CHD6: variants seen among roughly 807,000 people sequenced by gnomAD.
CHD6 encodes the protein chromodomain helicase DNA binding protein 6.
A neutral mutation model predicts 276.9 loss-of-function variants in CHD6; 50 were observed. The observed-to-expected ratio is 0.18, with a 90% CI of 0.14 to 0.23. The LOEUF (loss-of-function observed/expected upper bound fraction) is 0.23. CHD6 is among the 10% of genes least tolerant of loss of function. The pLI is 1.00. For missense variants in CHD6, 2,564 were observed against 3,365.8 expected, an observed-to-expected ratio of 0.76 and a Z score of 5.89; for synonymous variants, 1,173 against 1,229.3, an observed-to-expected ratio of 0.95 and a Z score of 0.96.
intron 1 of CHD6, among the ~76,000 whole-genome samples, chr20:41,559,901 A>ACT (rs73623237): frequency 6.6e-6 from 1 of 150,712 alleles, no homozygotes; most frequent in African/African-American, 2.4e-5. Context: ...ACACACACAC[A>ACT]CTCTCTCTAC....
intron 1 of CHD6, among the ~76,000 whole-genome samples, chr20:41,559,450 T>C (rs2045278178): frequency 6.6e-6 from 1 of 152,162 alleles, no homozygotes; most frequent in Non-Finnish European, 1.5e-5. Flanking sequence ...TGACAATCAC[T>C]CCCTAGTTAC....
chr20:41,531,917 C>A (rs923037829), intron 3 of CHD6, among the ~76,000 whole-genome samples: 3 of 152,154 alleles, frequency 2.0e-5, no homozygotes, highest in African/African-American at 7.2e-5. Flanking sequence ...CCACATCAGT[C>A]TGTGTTTTTT....
chr20:41,582,653 G>C (rs1019332927), intron 1 of CHD6, among the ~76,000 whole-genome samples: 1 of 152,070 alleles, frequency 6.6e-6, no homozygotes, highest in Admixed American at 6.5e-5. Context: ...CCAAACAAGA[G>C]AGCCAAACTA....
chr20:41,572,416 CG>C, intron 1 of CHD6, among the ~76,000 whole-genome samples: 1 of 152,266 alleles, frequency 6.6e-6, no homozygotes, highest in African/African-American at 2.4e-5. Context: ...CCTGTAGACA[CG>C]GACAGCAGGG....
chr20:41,420,521 G>A lies in CHD6; in HGVS notation c.6114C>T (p.Asn2038=), dbSNP rs2047151674. ...ENKDDYDRDG[N]CHSQDYPGKY... Reference sequence around the variant, plus strand: ...TACATACTGTACCTTGACTATGGCAGTTTCCGTCTCTATCATAATCATCTT... The same window carrying A: ...TACATACTGTACCTTGACTATGGCAATTTCCGTCTCTATCATAATCATCTT... The change falls in exon 31 of 37, where the codon AAC becomes AAT. Residue 2038 remains asparagine, a synonymous_variant. Coordinates refer to ENST00000373233, the MANE Select transcript of CHD6 (RefSeq NM_032221.5). 3 of 1,610,378 alleles carry A rather than the reference G, an allele frequency of 1.9e-6. No individual in the cohort carries two copies. Among genetic ancestry groups the A allele is most frequent in the African/African-American group, 2.7e-5 (2 of 74,768 alleles).
intron 3 of CHD6, among the ~76,000 whole-genome samples, chr20:41,517,909 A>T (rs920395532): frequency 3.9e-5 from 6 of 152,252 alleles, no homozygotes; most frequent in Non-Finnish European, 7.3e-5. Flanking sequence ...CTAAAATCCC[A>T]GTCTCCCTTT....
At chr20:41,575,269 C>T (rs1453767159) in intron 1 of CHD6, among the ~76,000 whole-genome samples, 1 of 152,098 alleles carries the variant, frequency 6.6e-6, no homozygotes, top group Non-Finnish European at 1.5e-5. Flanking sequence ...TCATTCTTTC[C>T]TTGCTTTGTT....
chr20:41,508,284 A>C (rs1301911281), intron 5 of CHD6, among the ~76,000 whole-genome samples: 1 of 152,200 alleles, frequency 6.6e-6, no homozygotes, highest in African/African-American at 2.4e-5. Context: ...CAAAATGAGG[A>C]GTAGTAATCA....
At chr20:41,565,278 T>A (rs934093526) in intron 1 of CHD6, among the ~76,000 whole-genome samples, 1 of 152,034 alleles carries the variant, frequency 6.6e-6, no homozygotes, top group Non-Finnish European at 1.5e-5. Context: ...GTATTTTTAA[T>A]AGAGACGGGT....
At chr20:41,505,635 A>C (rs2043958869) in intron 5 of CHD6, among the ~76,000 whole-genome samples, 1 of 152,034 alleles carries the variant, frequency 6.6e-6, no homozygotes, top group Non-Finnish European at 1.5e-5. Flanking sequence ...AGCTTTTTGT[A>C]ATTTATATAT....
intron 1 of CHD6, among the ~76,000 whole-genome samples, chr20:41,565,392 C>G (rs977606412): frequency 1.3e-5 from 2 of 152,196 alleles, no homozygotes; most frequent in Non-Finnish European, 2.9e-5. Flanking sequence ...CCGCGCCCAG[C>G]TGGATTCTTT....
At chr20:41,576,754 C>A (rs1052050920) in intron 1 of CHD6, among the ~76,000 whole-genome samples, 1 of 152,186 alleles carries the variant, frequency 6.6e-6, no homozygotes, top group African/African-American at 2.4e-5. Flanking sequence ...GACCTGAGGA[C>A]GCTCCCTCAT....
At chr20:41,551,136 A>G (rs2045139447) in intron 2 of CHD6, among the ~76,000 whole-genome samples, 169 bp downstream of exon 2, 1 of 152,216 alleles carries the variant, frequency 6.6e-6, no homozygotes. Context: ...GCAACAAGAA[A>G]AATCCATATT....
chr20:41,522,245 C>T (rs1339285222), intron 3 of CHD6, among the ~76,000 whole-genome samples: 2 of 151,974 alleles, frequency 1.3e-5, no homozygotes, highest in African/African-American at 4.8e-5. Flanking sequence ...ACTTGGGAGG[C>T]TGAGATGGGA....
At position 41,556,307 on chromosome 20, in the gene CHD6, C is replaced by A. The variant is rs547361231; in HGVS notation, c.-23-4947G>T. On this transcript the variant is annotated intron_variant, in intron 1 of 36. Coordinates refer to ENST00000373233, the MANE Select transcript of CHD6 (RefSeq NM_032221.5). ...GAGGGAGAGGGAGACCGTGGGGAGA[C>A]GGGAGAGGGAGAGGGCACCTTTTTT... 8.3e-5 allele frequency among the ~76,000 whole-genome samples: 9 copies of A among 108,904 alleles called. 1 individual carries two copies. The highest frequency in any genetic ancestry group is 2.4e-4 in the African/African-American group (6 of 25,240). The allele number at this position is 108,904 out of a possible 152,430, so 71.4% of individuals were successfully genotyped here. A position where few individuals can be genotyped will look rare whatever the true frequency, so the allele number is the denominator to read the frequency against.
rs202194305 is a variant in CHD6 at position 41,483,312 on chromosome 20, C to A, written c.2465G>T (p.Arg822Ile). ...LDILEDYLIQ[R>I]RYTYERIDGR... is the part of the protein sequence containing the mutation. ...AGAGCTTTGACACAAGTCTCACCTT[C>A]TCTGGATGAGGTAATCTTCTAGGAT... Residue 822 changes from arginine (R) to isoleucine (I), a missense_variant, in exon 16 of 37, where the codon AGA becomes ATA. This residue lies in a region of CHD6 where 457 missense variants were observed against 889.0 expected (regional missense o/e 0.51). Coordinates refer to ENST00000373233, the MANE Select transcript of CHD6 (RefSeq NM_032221.5). The A allele has an allele frequency of 6.2e-7, 1 of 1,610,776 alleles. No homozygotes were observed. Among genetic ancestry groups the A allele is most frequent in the South Asian group, 1.1e-5 (1 of 90,388 alleles).
At chr20:41,567,325 A>G (rs551024415) in intron 1 of CHD6, among the ~76,000 whole-genome samples, 4 of 152,260 alleles carry the variant, frequency 2.6e-5, no homozygotes, top group Admixed American at 6.5e-5. Flanking sequence ...GTCTAGCCTG[A>G]TGACCATCAC....
intron 1 of CHD6, among the ~76,000 whole-genome samples, chr20:41,560,574 C>A (rs1568702720): frequency 6.6e-6 from 1 of 152,202 alleles, no homozygotes; most frequent in Non-Finnish European, 1.5e-5. Context: ...GGCCCAAGCA[C>A]CCTCCAGGGA....
At chr20:41,490,271 C>T (rs767538628) in intron 11 of CHD6, among the ~76,000 whole-genome samples, 3 of 152,080 alleles carry the variant, frequency 2.0e-5, no homozygotes, top group Admixed American at 6.5e-5. Context: ...CTCCGAGAAA[C>T]GCATCACTGC....
Sources: allele counts gnomAD v4.1 joint callset (sites outside exome capture counted in the v4.1 genomes callset), GRCh38; gene constraint gnomAD v4.1.1; regional missense constraint gnomAD v4.1.1; transcripts MANE v1.5; gene names NCBI Gene and HGNC (gene_info 2026-07-23, HGNC 2026-07-21).